The following KCNU1 variants were observed in gnomAD, a reference collection of about 807,000 sequenced individuals.
The protein encoded by KCNU1 is potassium channel subfamily U member 1.
A neutral mutation model predicts 126.8 loss-of-function variants in KCNU1; 93 were observed. That is an observed-to-expected ratio of 0.73 (90% CI 0.62 to 0.87). The LOEUF (loss-of-function observed/expected upper bound fraction) is 0.87, where lower values mean the gene tolerates loss of function less well. Ranked by LOEUF, KCNU1 falls within the 40% of genes least tolerant of loss-of-function variation. The pLI, the probability that KCNU1 is intolerant of heterozygous loss-of-function variation, is 0.00. For synonymous variants in KCNU1, 523 were observed against 494.2 expected, an observed-to-expected ratio of 1.06 and a Z score of -0.77; for missense variants, 1,330 against 1,367.1, an observed-to-expected ratio of 0.97 and a Z score of 0.43.
intron 18 of KCNU1, among the ~76,000 whole-genome samples, chr8:36,851,597 TG>T (rs1805352248): frequency 2.0e-5 from 3 of 152,174 alleles, no homozygotes; most frequent in African/African-American, 7.2e-5. Flanking sequence ...GATGAACATA[TG>T]ATGTCTTCAT....
intron 24 of KCNU1, among the ~76,000 whole-genome samples, chr8:36,926,723 T>C (rs1051342518): frequency 6.6e-6 from 1 of 152,120 alleles, no homozygotes; most frequent in Admixed American, 6.6e-5. Context: ...AAGACTGTCT[T>C]CTGGGTTTGA....
chr8:36,829,171 ATTC>A (rs1804436047), intron 10 of KCNU1, among the ~76,000 whole-genome samples: 2 of 152,082 alleles, frequency 1.3e-5, no homozygotes, highest in African/African-American at 2.4e-5. Context: ...ATTTGCAATA[ATTC>A]TTCATCAGTT....
In KCNU1 at chr8:36,936,076, A is replaced by G; in HGVS notation, c.*156A>G. On this transcript the variant is annotated 3_prime_UTR_variant, in exon 27 of 27. Transcript: ENST00000399881. Reference sequence around the variant, plus strand: ...GCCACACTGTTTTGGGTGAGACAAAAGTCTAATGCCACTGGATCTTGTGTG... The same window carrying G: ...GCCACACTGTTTTGGGTGAGACAAAGGTCTAATGCCACTGGATCTTGTGTG... 1.8e-6 allele frequency: 1 copy of G among 566,790 alleles called. No homozygotes were observed. The highest frequency in any genetic ancestry group is 3.0e-6 in the Non-Finnish European group (1 of 331,760). The allele number at this position is 566,790 out of a possible 1,614,324, so 35.1% of individuals were successfully genotyped here. A position where few individuals can be genotyped will look rare whatever the true frequency, so the allele number is the denominator to read the frequency against.
intron 16 of KCNU1, among the ~76,000 whole-genome samples, chr8:36,842,486 C>A (rs941917312): frequency 2.0e-5 from 3 of 152,138 alleles, no homozygotes; most frequent in Admixed American, 2.0e-4. Context: ...ACAATCAAAA[C>A]CTCTGAATGT....
chr8:36,839,012 T>A (rs1804855830), intron 14 of KCNU1, among the ~76,000 whole-genome samples: 1 of 152,150 alleles, frequency 6.6e-6, no homozygotes, highest in African/African-American at 2.4e-5. Context: ...GCCCTTACTT[T>A]CCCTGACTGT....
At chr8:36,904,348 G>T (rs1435405608) in intron 19 of KCNU1, among the ~76,000 whole-genome samples, 1 of 152,130 alleles carries the variant, frequency 6.6e-6, no homozygotes, top group East Asian at 1.9e-4. Context: ...TCATTGCCTG[G>T]CCTGTCTCTT....
At chr8:36,816,879 C>T (rs1803932051) in intron 9 of KCNU1, among the ~76,000 whole-genome samples, 1 of 152,052 alleles carries the variant, frequency 6.6e-6, no homozygotes, top group Non-Finnish European at 1.5e-5. Flanking sequence ...GGTGCTTTCT[C>T]AGCCATGATA....
At chr8:36,829,685 A>G (rs1804458888) in intron 10 of KCNU1, among the ~76,000 whole-genome samples, 1 of 151,288 alleles carries the variant, frequency 6.6e-6, no homozygotes, top group Admixed American at 6.6e-5. Context: ...ATTTAATGCG[A>G]ATCTAATTGA....
intron 10 of KCNU1, among the ~76,000 whole-genome samples, chr8:36,822,063 A>T (rs536232970): frequency 1.4e-4 from 22 of 152,034 alleles, no homozygotes; most frequent in African/African-American, 5.3e-4. Flanking sequence ...AGTGGAGTCC[A>T]TTTTCCCTTC....
intron 18 of KCNU1, among the ~76,000 whole-genome samples, chr8:36,859,159 C>A (rs939953613): frequency 6.6e-6 from 1 of 151,974 alleles, no homozygotes; most frequent in East Asian, 1.9e-4. Context: ...CTAAAATGTG[C>A]CAAAAGAGAA....
chr8:36,836,918 A>G lies in KCNU1; in HGVS notation c.1491A>G (p.Thr497=), dbSNP rs1221063851. 4.3e-6 allele frequency: 7 copies of G among 1,613,810 alleles called. No individual in the cohort carries two copies. Among genetic ancestry groups the G allele is most frequent in the Middle Eastern group, 1.7e-4 (1 of 6,058 alleles). Residue 497 remains threonine, a synonymous_variant, in exon 14 of 27, where the codon ACA becomes ACG. Coordinates refer to ENST00000399881, the MANE Select transcript of KCNU1 (RefSeq NM_001031836.3). The stretch of plus-strand genomic sequence containing the variant: ...TGCCAGGCTTGTGTACCTTCCTAAC[A>G]TCTCTATTTGTGGAGCAAAACAAAA... ...CLVPGLCTFL[T]SLFVEQNKKV...
chr8:36,814,077 C>T, intron 7 of KCNU1, 130 bp from the exon 8 acceptor site: 1 of 666,270 alleles, frequency 1.5e-6, no homozygotes, highest in Non-Finnish European at 2.6e-6. Flanking sequence ...CTCTTCATAG[C>T]AACCTGAAAG....
At chr8:36,857,658 G>A (rs1486671155) in intron 18 of KCNU1, among the ~76,000 whole-genome samples, 1 of 151,718 alleles carries the variant, frequency 6.6e-6, no homozygotes, top group Non-Finnish European at 1.5e-5. Context: ...TTTTGTTGTT[G>A]TTGTTGAGAA....
intron 10 of KCNU1, among the ~76,000 whole-genome samples, chr8:36,830,305 C>T (rs961517360): frequency 2.0e-5 from 3 of 151,636 alleles, no homozygotes; most frequent in Non-Finnish European, 4.4e-5. Flanking sequence ...TTTAAAAGCA[C>T]CTTTAATATT....
intron 18 of KCNU1, among the ~76,000 whole-genome samples, chr8:36,859,547 A>G (rs913163326): frequency 6.6e-6 from 1 of 152,162 alleles, no homozygotes; most frequent in Non-Finnish European, 1.5e-5. Context: ...TTCTCAGTGT[A>G]ATCATCTCCA....
In KCNU1 at chr8:36,784,536, G is replaced by A. The variant is rs1350882680; in HGVS notation, c.126G>A (p.Leu42=). 2 of 1,613,738 alleles carry A rather than the reference G, an allele frequency of 1.2e-6. No individual in the cohort carries two copies. Among genetic ancestry groups the A allele is most frequent in the Admixed American group, 1.7e-5 (1 of 60,000 alleles). ...FVTFFSGLII[L]LIFRLIWRSV... ...CCTTCTTCAGTGGACTCATCATCCT[G>A]TTGATCTTCAGGCTGATCTGGAGAT... Residue 42 remains leucine (L), a synonymous_variant, in exon 1 of 27, where the codon CTG becomes CTA. Transcript: ENST00000399881.
intron 10 of KCNU1, among the ~76,000 whole-genome samples, chr8:36,820,095 C>T (rs1336724021): frequency 1.3e-5 from 2 of 152,122 alleles, no homozygotes; most frequent in Non-Finnish European, 2.9e-5. Flanking sequence ...TGTGTATAGC[C>T]ACTTTGGACA....
At chr8:36,791,508 T>C (rs1585375891) in intron 2 of KCNU1, among the ~76,000 whole-genome samples, 1 of 152,218 alleles carries the variant, frequency 6.6e-6, no homozygotes, top group Non-Finnish European at 1.5e-5. Context: ...TGTTTTTGTA[T>C]TCTGCCTTAA....
intron 2 of KCNU1, among the ~76,000 whole-genome samples, chr8:36,799,943 G>T (rs1202831881): frequency 6.6e-6 from 1 of 152,002 alleles, no homozygotes; most frequent in African/African-American, 2.4e-5. Context: ...CTGCTATTCA[G>T]TACCTCTATT....
Sources: gnomAD v4.1 joint callset for allele counts (sites outside exome capture counted in the v4.1 genomes callset) on GRCh38, gnomAD v4.1.1 for gene constraint, MANE v1.5 for transcripts, NCBI Gene and HGNC (gene_info 2026-07-23, HGNC 2026-07-21) for gene names.